Variants in DPY30 observed in about 807,000 individuals in gnomAD.
DPY30 encodes the protein protein dpy-30 homolog.
Under a neutral mutation model 16.2 loss-of-function variants are expected in DPY30, and 6 were observed. The observed-to-expected ratio is 0.37, with a 90% confidence interval of 0.20 to 0.73. The LOEUF (loss-of-function observed/expected upper bound fraction) is 0.73, where lower values mean the gene tolerates loss of function less well. DPY30 is among the 30% of genes least tolerant of loss of function. The pLI is 0.51. For missense variants in DPY30, 73 were observed against 113.1 expected, an observed-to-expected ratio of 0.65 and a Z score of 1.61; for synonymous variants, 39 against 38.8, an observed-to-expected ratio of 1.00 and a Z score of -0.02.
chr2:32,034,870 A>G (rs1675676759), intron 3 of DPY30, among the ~76,000 whole-genome samples: 1 of 152,004 alleles, frequency 6.6e-6, no homozygotes, highest in African/African-American at 2.4e-5. Flanking sequence ...ATGGTGGCAC[A>G]TGCCTGTGAT....
downstream of DPY30, among the ~76,000 whole-genome samples, chr2:32,019,415 A>C (rs532175): frequency 1.1e-3 from 162 of 152,344 alleles, no homozygotes; most frequent in Non-Finnish European, 2.0e-3. Flanking sequence ...TAGGAGGCTA[A>C]GATGAGAGAC....
chr2:32,021,331 A>G (rs1675175833), downstream of DPY30, among the ~76,000 whole-genome samples: 1 of 151,942 alleles, frequency 6.6e-6, no homozygotes, highest in Admixed American at 6.6e-5. Context: ...TATACTTCCA[A>G]AACTAGAATA....
chr2:32,037,778 C>A (rs538775157), intron 3 of DPY30, among the ~76,000 whole-genome samples: 1 of 151,842 alleles, frequency 6.6e-6, no homozygotes, highest in African/African-American at 2.4e-5. Context: ...GGCTTGAATT[C>A]CTCACCTCAA....
chr2:32,039,034 A>G (rs187804716), intron 3 of DPY30, among the ~76,000 whole-genome samples: 1 of 152,332 alleles, frequency 6.6e-6, no homozygotes, highest in African/African-American at 2.4e-5. Context: ...TGATTCAGAC[A>G]GTATCCCTCA....
At chr2:32,021,584 C>A (rs1158891462), downstream of DPY30, among the ~76,000 whole-genome samples, 1 of 150,980 alleles carries the variant, frequency 6.6e-6, no homozygotes, top group Non-Finnish European at 1.5e-5. Flanking sequence ...GGTGCTGAGA[C>A]AGGAGAATCG....
At chr2:32,022,661 G>A (rs180916409), downstream of DPY30, among the ~76,000 whole-genome samples, 4 of 152,076 alleles carry the variant, frequency 2.6e-5, no homozygotes, top group Admixed American at 1.3e-4. Flanking sequence ...GGGACGACAG[G>A]CACATGCCAC....
At chr2:32,037,595 T>A (rs1248190930) in intron 3 of DPY30, among the ~76,000 whole-genome samples, 8 of 151,888 alleles carry the variant, frequency 5.3e-5, no homozygotes, top group Non-Finnish European at 1.0e-4. Context: ...TCTCACTCTG[T>A]CACCCAGGCT....
Position 32,024,254 on chromosome 2 carries a change from G to A in DPY30, c.230C>T (p.Pro77Leu). 1 of 1,601,890 alleles carries A rather than the reference G, an allele frequency of 6.2e-7. No individual in the cohort carries two copies. The highest frequency in any genetic ancestry group is 8.5e-7 in the Non-Finnish European group (1 of 1,170,390). The change falls in exon 5 of 5, where the codon CCA becomes CTA. Residue 77 changes from proline to leucine, a missense_variant and splice_region_variant. Around this residue, in one of 3 missense-constraint regions of DPY30, gnomAD observed 20 missense variants for 25.3 expected, o/e 0.79. Transcript: ENST00000342166. The part of the protein sequence containing the change: ...QGLAVLAKER[P>L]PNPIEFLASY... ...TGCTAGAAATTCAATGGGATTTGGT[G>A]GTCTGTAAGGGAAAAGAAATCCAAA...
intron 5 of DPY30, among the ~76,000 whole-genome samples, chr2:32,013,863 C>G (rs1409870923): frequency 6.6e-6 from 1 of 152,034 alleles, no homozygotes; most frequent in African/African-American, 2.4e-5. Flanking sequence ...CAAAAATTAG[C>G]CAGGCGTGGT....
chr2:32,027,531 CA>C (rs370515191), intron 4 of DPY30, among the ~76,000 whole-genome samples: 939 of 68,866 alleles, frequency 0.014, 9 homozygotes, highest in African/African-American at 0.037. Flanking sequence ...AACTCTGTCT[CA>C]AAAAAAAAAA....
intron 5 of DPY30, among the ~76,000 whole-genome samples, chr2:32,015,408 A>T (rs928421198): frequency 6.6e-6 from 1 of 152,100 alleles, no homozygotes; most frequent in Non-Finnish European, 1.5e-5. Context: ...GTATCTGAAC[A>T]CTAGACTAAG....
In DPY30 at chr2:32,034,245, A is replaced by G. The variant is rs624859; in HGVS notation, c.85-4509T>C. On this transcript the variant is annotated intron_variant, in intron 3 of 4. Transcript: ENST00000342166. ...TGTGTTAGTCCATTTGCATTGCTAT[A>G]AAGAAATACCTGAGGGTGGGTAATT... Among the ~76,000 whole-genome samples the G allele has an allele frequency of 9.2e-3, 1,406 of 152,318 alleles. 19 individuals are homozygous for G. Among genetic ancestry groups the G allele is most frequent in the Non-Finnish European group, 0.015 (995 of 68,030 alleles).
rs575332228 is a variant in DPY30 at position 32,033,860 on chromosome 2, C to A, written c.85-4124G>T. On this transcript the variant is annotated intron_variant, in intron 3 of 4. Transcript: ENST00000342166. ...AAAAATAGATATAGCCAAACTAACA[C>A]AAACAAACAATGAGCTGATAAGACA... 3.6e-4 allele frequency among the ~76,000 whole-genome samples: 55 copies of A among 152,260 alleles called. 1 individual carries two copies. In the South Asian group the frequency reaches 0.011, roughly 30 times the overall value.
intron 3 of DPY30, among the ~76,000 whole-genome samples, chr2:32,034,174 T>C (rs1344485206): frequency 6.6e-6 from 1 of 152,188 alleles, no homozygotes; most frequent in Non-Finnish European, 1.5e-5. Flanking sequence ...TACTTATCAA[T>C]AGATGGATAT....
chr2:32,019,302 T>G (rs913866171), downstream of DPY30, among the ~76,000 whole-genome samples: 31 of 152,132 alleles, frequency 2.0e-4, no homozygotes, highest in Admixed American at 2.0e-3. Flanking sequence ...TCAGTGGGAC[T>G]AGTTTTTCCA....
rs748332896 is a variant in DPY30 at position 32,024,086 on chromosome 2, A to T, written c.*98T>A. The T allele has an allele frequency of 1.6e-4, 249 of 1,532,880 alleles. No homozygotes were observed. Among genetic ancestry groups the T allele is most frequent in the Non-Finnish European group, 2.0e-4 (226 of 1,144,270 alleles). The allele number at this position is 1,532,880 out of a possible 1,614,324, so 95.0% of individuals were successfully genotyped here. Reference sequence around the variant, plus strand: ...AGGTTCTGTTGTCCGGAAGGTTCTTATACATCCAAAAAGAGGGAATGATCA... The same window carrying T: ...AGGTTCTGTTGTCCGGAAGGTTCTTTTACATCCAAAAAGAGGGAATGATCA... On this transcript the variant is annotated 3_prime_UTR_variant, in exon 5 of 5. Transcript: ENST00000342166.
Position 32,039,303 on chromosome 2 carries a change from C to T in DPY30, c.60G>A (p.Glu20=), listed in dbSNP as rs144797779. ...CCTCAACGTTGTCTGTGAGACCGTA[C>T]TCAGAGTGAGGATTTTCTGCAACCT... ...QTQVAENPHS[E]YGLTDNVERI... The change falls in exon 3 of 5, where the codon GAG becomes GAA. Residue 20 remains glutamate (E), a synonymous_variant. Coordinates refer to ENST00000342166, the MANE Select transcript of DPY30 (RefSeq NM_001321209.2). 27 of 1,614,044 alleles carry T rather than the reference C, an allele frequency of 1.7e-5. No homozygotes were observed. The African/African-American group carries it at 3.5e-4, about 21-fold the overall frequency.
chr2:32,024,110 C>T lies in DPY30; in HGVS notation c.*74G>A. 3 of 1,562,174 alleles carry T rather than the reference C, an allele frequency of 1.9e-6. No homozygotes were observed. Among genetic ancestry groups the T allele is most frequent in the Non-Finnish European group, 2.6e-6 (3 of 1,154,700 alleles). ...TATACATCCAAAAAGAGGGAATGAT[C>T]ATGGCAATTAAAGCTGCCTCTTAAT... On this transcript the variant is annotated 3_prime_UTR_variant, in exon 5 of 5. Coordinates refer to ENST00000342166, the MANE Select transcript of DPY30 (RefSeq NM_001321209.2).
intron 3 of DPY30, among the ~76,000 whole-genome samples, chr2:32,035,716 T>C (rs1246842442): frequency 6.6e-6 from 1 of 151,866 alleles, no homozygotes; most frequent in Non-Finnish European, 1.5e-5. Flanking sequence ...GGCAGCTTAC[T>C]TAAGGTCAGC....
Sources: allele counts gnomAD v4.1 joint callset (sites outside exome capture counted in the v4.1 genomes callset), GRCh38; gene constraint gnomAD v4.1.1; regional missense constraint gnomAD v4.1.1; transcripts MANE v1.5; gene names NCBI Gene and HGNC (gene_info 2026-07-23, HGNC 2026-07-21).